NR2F1-AS1: variants seen among roughly 807,000 people sequenced by gnomAD.
The protein encoded by NR2F1-AS1 is NR2F1 regulatory antisense RNA 1, also known as NR2F1 antisense RNA 1.
chr5:93,489,957 G>A (rs1172331846), intron 4 of NR2F1-AS1, among the ~76,000 whole-genome samples: 1 of 152,208 alleles, frequency 6.6e-6, no homozygotes, highest in Non-Finnish European at 1.5e-5. Context: ...GAAAATGAAA[G>A]AGGATGGGTG....
intron 4 of NR2F1-AS1, among the ~76,000 whole-genome samples, chr5:93,496,840 C>T (rs1330448402): frequency 2.6e-5 from 4 of 152,190 alleles, no homozygotes; most frequent in Non-Finnish European, 5.9e-5. Context: ...AATAAAGAGA[C>T]GGTCACATCT....
intron 4 of NR2F1-AS1, chr5:93,542,385 T>A (rs1457854175): frequency 6.6e-6 from 1 of 152,070 alleles, no homozygotes; most frequent in Admixed American, 6.6e-5. Context: ...ATGTAATTTG[T>A]TTGTTGTTGG....
rs150799116 is a variant in NR2F1-AS1 at position 93,543,408 on chromosome 5, G to A, written n.638+10353C>T. The A allele has an allele frequency of 1.1e-3, 169 of 152,208 alleles. 1 individual carries two copies. The highest frequency in any genetic ancestry group is 3.9e-3 in the African/African-American group (160 of 41,546). The allele number at this position is 152,208 out of a possible 1,614,324, so 9.4% of individuals were successfully genotyped here. On this transcript the variant is annotated intron_variant and non_coding_transcript_variant, in intron 4 of 5. Transcript: ENST00000660523. ...AGGAAACTACAAAAAAAATGGAAAA[G>A]TAATTTGAGAAAGAGTCAAATGAAA...
chr5:93,505,375 G>T (rs1013086719), intron 4 of NR2F1-AS1, among the ~76,000 whole-genome samples: 11 of 152,150 alleles, frequency 7.2e-5, no homozygotes, highest in Admixed American at 2.0e-4. Flanking sequence ...CTACCATTCT[G>T]GGGTCTGGAA....
intron 4 of NR2F1-AS1, among the ~76,000 whole-genome samples, chr5:93,510,049 A>C (rs1751264486): frequency 6.6e-6 from 1 of 152,130 alleles, no homozygotes; most frequent in Non-Finnish European, 1.5e-5. Flanking sequence ...ATATCTAAAA[A>C]TGTGTTATTT....
upstream of NR2F1-AS1, chr5:93,581,276 C>T (rs1175296981): frequency 2.0e-5 from 3 of 152,454 alleles, no homozygotes; most frequent in Admixed American, 6.5e-5. Flanking sequence ...CTCCCACCCC[C>T]GGCGGCGGCA....
chr5:93,421,147 A>G (rs566752330), intron 4 of NR2F1-AS1, among the ~76,000 whole-genome samples: 9 of 152,156 alleles, frequency 5.9e-5, no homozygotes, highest in Non-Finnish European at 1.0e-4. Flanking sequence ...ATATGCCCCA[A>G]ATCACAATGC....
rs149298192 is a variant in NR2F1-AS1, at chr5:93,459,140, G to A, written n.639-63598C>T. Among the ~76,000 whole-genome samples the A allele has an allele frequency of 2.6e-5, 4 of 152,018 alleles. No homozygotes were observed. The South Asian group carries it at 6.2e-4, about 24-fold the overall frequency. ...ATGAGTCCTTACAACTCAAAAATAA[G>A]ACAATAACTCAATTTTTTAAAATAG... On this transcript the variant is annotated intron_variant and non_coding_transcript_variant, in intron 4 of 5. Coordinates refer to ENST00000660523, the Ensembl canonical transcript of NR2F1-AS1.
chr5:93,508,478 A>G (rs554189663), intron 4 of NR2F1-AS1, among the ~76,000 whole-genome samples: 52 of 152,292 alleles, frequency 3.4e-4, no homozygotes, highest in Non-Finnish European at 6.0e-4. Context: ...GATTTTTAAA[A>G]CTTAAGGCTA....
intron 1 of NR2F1-AS1, among the ~76,000 whole-genome samples, chr5:93,577,749 T>A (rs1752928380): frequency 6.6e-6 from 1 of 152,128 alleles, no homozygotes; most frequent in Admixed American, 6.6e-5. Flanking sequence ...TTGGGAAAGG[T>A]CTGCAGCAAG....
chr5:93,539,289 T>C (rs962127720), intron 4 of NR2F1-AS1, among the ~76,000 whole-genome samples: 34 of 152,028 alleles, frequency 2.2e-4, no homozygotes, highest in African/African-American at 7.5e-4. Context: ...AAAAAATATA[T>C]ATACATTTTC....
intron 1 of NR2F1-AS1, among the ~76,000 whole-genome samples, chr5:93,566,206 A>T (rs905505127): frequency 6.6e-6 from 1 of 152,042 alleles, no homozygotes; most frequent in Non-Finnish European, 1.5e-5. Context: ...ACTGTATACT[A>T]CCATAATAGC....
intron 4 of NR2F1-AS1, among the ~76,000 whole-genome samples, chr5:93,547,736 A>G (rs1752122099): frequency 6.6e-6 from 1 of 152,228 alleles, no homozygotes; most frequent in Admixed American, 6.5e-5. Flanking sequence ...CAAAAGGGCC[A>G]TAAATATTAA....
At chr5:93,578,035 C>T (rs1213607771) in intron 1 of NR2F1-AS1, among the ~76,000 whole-genome samples, 2 of 152,046 alleles carry the variant, frequency 1.3e-5, no homozygotes, top group South Asian at 2.1e-4. Context: ...GAATGACTTT[C>T]GGGAGACCAA....
intron 4 of NR2F1-AS1, among the ~76,000 whole-genome samples, chr5:93,446,866 T>C (rs527585495): frequency 6.6e-6 from 1 of 152,204 alleles, no homozygotes; most frequent in South Asian, 2.1e-4. Context: ...TACAGACCAA[T>C]GGTACAGAAC....
At chr5:93,576,838 C>A (rs1752907004) in intron 1 of NR2F1-AS1, among the ~76,000 whole-genome samples, 1 of 152,192 alleles carries the variant, frequency 6.6e-6, no homozygotes, top group African/African-American at 2.4e-5. Flanking sequence ...ACTCCAACAA[C>A]CTTCAGACTC....
chr5:93,464,222 T>C (rs1475585928), intron 4 of NR2F1-AS1, among the ~76,000 whole-genome samples: 1 of 152,118 alleles, frequency 6.6e-6, no homozygotes, highest in Non-Finnish European at 1.5e-5. Context: ...ATCTGATGGT[T>C]TTAAAAAGGG....
chr5:93,420,892 T>C (rs1197066171), intron 4 of NR2F1-AS1, among the ~76,000 whole-genome samples: 1 of 152,214 alleles, frequency 6.6e-6, no homozygotes, highest in African/African-American at 2.4e-5. Context: ...CTTGTAAATG[T>C]TTTATCAAAC....
At chr5:93,449,082 A>G (rs932710157) in intron 4 of NR2F1-AS1, among the ~76,000 whole-genome samples, 1 of 152,048 alleles carries the variant, frequency 6.6e-6, no homozygotes, top group Non-Finnish European at 1.5e-5. Flanking sequence ...ATTTTGAAAA[A>G]CTGTTTATAT....
Sources: allele counts gnomAD v4.1 joint callset (sites outside exome capture counted in the v4.1 genomes callset), GRCh38; gene constraint gnomAD v4.1.1; transcripts MANE v1.5; gene names NCBI Gene and HGNC (gene_info 2026-07-23, HGNC 2026-07-21).